The following LRRC49 variants were observed in gnomAD, a reference collection of about 807,000 sequenced individuals.
LRRC49 encodes the protein leucine rich repeat containing 49.
Under a neutral mutation model 83.3 loss-of-function variants are expected in LRRC49, and 50 were observed. The ratio of observed to expected loss-of-function variants is 0.60; its 90% CI spans 0.48 to 0.76. The LOEUF (loss-of-function observed/expected upper bound fraction) is 0.76. Ranked by LOEUF, LRRC49 falls within the 30% of genes least tolerant of loss-of-function variation. The pLI is 0.00. For synonymous variants in LRRC49, 286 were observed against 283.3 expected (o/e 1.01, Z -0.10); for missense variants, 704 against 809.1 (o/e 0.87, Z 1.58).
intron 8 of LRRC49, among the ~76,000 whole-genome samples, chr15:70,951,534 G>A (rs1036344176): frequency 2.0e-5 from 3 of 152,028 alleles, no homozygotes; most frequent in African/African-American, 7.2e-5. Flanking sequence ...CTATAAATGG[G>A]ATTGTGTTCT....
chr15:70,896,121 C>T (rs2033826051), intron 3 of LRRC49, among the ~76,000 whole-genome samples, 185 bp downstream of exon 3: 1 of 151,676 alleles, frequency 6.6e-6, no homozygotes, highest in South Asian at 2.1e-4. Context: ...AGATTATTTC[C>T]AATACAGAAA....
intron 6 of LRRC49, among the ~76,000 whole-genome samples, chr15:70,915,925 T>C (rs1440249383): frequency 6.6e-6 from 1 of 152,220 alleles, no homozygotes; most frequent in Admixed American, 6.5e-5. Context: ...GTTTCTTGAA[T>C]ATAAGAGTGT....
intron 15 of LRRC49, among the ~76,000 whole-genome samples, chr15:71,048,078 ATTTTTTT>A (rs760450220): frequency 1.9e-5 from 2 of 106,724 alleles, no homozygotes; most frequent in Middle Eastern, 8.5e-3. Flanking sequence ...ACCGGGCCAA[ATTTTTTT>A]TTTTTTTTTT....
intron 1 of LRRC49, chr15:70,859,663 C>G: frequency 1.5e-6 from 1 of 652,156 alleles, no homozygotes; most frequent in Non-Finnish European, 2.9e-6. Context: ...TCAGCCGGCT[C>G]CAGGCTGAGA....
chr15:70,897,640 A>G (rs185217305), intron 3 of LRRC49, among the ~76,000 whole-genome samples: 1 of 152,186 alleles, frequency 6.6e-6, no homozygotes, highest in African/African-American at 2.4e-5. Context: ...AATCATTATA[A>G]TTAATTTCAG....
At chr15:70,941,415 A>G (rs1291199247) in intron 8 of LRRC49, among the ~76,000 whole-genome samples, 1 of 151,964 alleles carries the variant, frequency 6.6e-6, no homozygotes, top group Admixed American at 6.6e-5. Flanking sequence ...ATGTTATAGA[A>G]TGATAGTTTC....
At chr15:70,976,228 C>T (rs1393873971) in intron 9 of LRRC49, among the ~76,000 whole-genome samples, 11 of 152,186 alleles carry the variant, frequency 7.2e-5, no homozygotes, top group Admixed American at 7.2e-4. Flanking sequence ...GACCAGAAGT[C>T]AGGTGACATG....
At chr15:70,940,245 A>T (rs2141163475) in intron 8 of LRRC49, among the ~76,000 whole-genome samples, 1 of 146,872 alleles carries the variant, frequency 6.8e-6, no homozygotes, top group Non-Finnish European at 1.5e-5. Context: ...CCTTCAGAAT[A>T]TATGGATTTT....
chr15:70,870,744 C>A (rs191431236), intron 1 of LRRC49, among the ~76,000 whole-genome samples: 1 of 152,294 alleles, frequency 6.6e-6, no homozygotes, highest in East Asian at 1.9e-4. Flanking sequence ...CCCGCCTAGG[C>A]CGCCCAAAGT....
intron 9 of LRRC49, among the ~76,000 whole-genome samples, chr15:70,968,637 G>A (rs1244652679): frequency 2.0e-5 from 3 of 151,930 alleles, no homozygotes; most frequent in Non-Finnish European, 2.9e-5. Context: ...CATTCTCTCC[G>A]GCATCTGTTG....
At chr15:70,977,380 C>T (rs773690449) in intron 9 of LRRC49, among the ~76,000 whole-genome samples, 1 of 152,160 alleles carries the variant, frequency 6.6e-6, no homozygotes, top group Non-Finnish European at 1.5e-5. Context: ...ATTGGTGGCT[C>T]ACGCCTGTAA....
At chr15:70,950,560 T>A (rs2036181125) in intron 8 of LRRC49, among the ~76,000 whole-genome samples, 2 of 152,226 alleles carry the variant, frequency 1.3e-5, no homozygotes, top group Admixed American at 1.3e-4. Flanking sequence ...ATGTATGTCT[T>A]CTTTTAAGAA....
At chr15:70,876,184 GA>G (rs1214925992) in intron 2 of LRRC49, among the ~76,000 whole-genome samples, 1 of 152,156 alleles carries the variant, frequency 6.6e-6, no homozygotes, top group Non-Finnish European at 1.5e-5. Context: ...AAATGCCTCT[GA>G]AAGCTACATC....
intron 11 of LRRC49, among the ~76,000 whole-genome samples, chr15:70,986,067 TG>T (rs1446255395): frequency 2.6e-5 from 4 of 151,804 alleles, no homozygotes; most frequent in Non-Finnish European, 5.9e-5. Context: ...TCAGGTAGCG[TG>T]ATGCCTCCAG....
At position 71,006,813 on chromosome 15, in the gene LRRC49, T is replaced by C. The variant is rs2038474787; in HGVS notation, c.1170-1566T>C. Among the ~76,000 whole-genome samples, 3 of 152,084 alleles carry C rather than the reference T, an allele frequency of 2.0e-5. No individual in the cohort carries two copies. The South Asian group carries it at 6.2e-4, about 31-fold the overall frequency. On this transcript the variant is annotated intron_variant, in intron 11 of 15. Transcript: ENST00000260382. ...TGCACTCTTTTCATCTTCTTTGTTT[T>C]AGTGGCAGTGAAGCTGTCCTTTGTT...
chr15:70,883,899 G>A (rs893748923), intron 2 of LRRC49, among the ~76,000 whole-genome samples: 2 of 151,848 alleles, frequency 1.3e-5, no homozygotes, highest in African/African-American at 2.4e-5. Context: ...CAAGTGATCC[G>A]CCTGCCTCAG....
intron 6 of LRRC49, among the ~76,000 whole-genome samples, chr15:70,917,735 T>C (rs1468094101): frequency 1.3e-5 from 2 of 152,190 alleles, no homozygotes; most frequent in African/African-American, 2.4e-5. Context: ...GTGGGTTTCC[T>C]CTGAGCTGTT....
intron 7 of LRRC49, among the ~76,000 whole-genome samples, chr15:70,926,139 TATC>T (rs1307585468): frequency 6.6e-6 from 1 of 152,236 alleles, no homozygotes; most frequent in Non-Finnish European, 1.5e-5. Flanking sequence ...ATTGTTGAAA[TATC>T]ATACAATTTG....
chr15:70,924,619 A>G (rs1213933159), intron 7 of LRRC49, among the ~76,000 whole-genome samples: 2 of 152,064 alleles, frequency 1.3e-5, no homozygotes, highest in African/African-American at 4.8e-5. Flanking sequence ...CCCCAAAATT[A>G]GACATTTTAA....
Sources: allele counts gnomAD v4.1 joint callset (sites outside exome capture counted in the v4.1 genomes callset), GRCh38; gene constraint gnomAD v4.1.1; transcripts MANE v1.5; gene names NCBI Gene and HGNC (gene_info 2026-07-23, HGNC 2026-07-21).